Variants in FHAD1 observed in about 807,000 individuals in gnomAD.
FHAD1 encodes the protein forkhead associated phosphopeptide binding domain 1, also known as forkhead-associated domain-containing protein 1.
A neutral mutation model predicts 191.3 loss-of-function variants in FHAD1; 146 were observed. That is an observed-to-expected ratio of 0.76 (90% CI 0.67 to 0.88). The LOEUF (loss-of-function observed/expected upper bound fraction) is 0.88, where lower values mean the gene tolerates loss of function less well. Ranked by LOEUF, FHAD1 falls within the 40% of genes least tolerant of loss-of-function variation. The pLI, the probability that FHAD1 is intolerant of heterozygous loss-of-function variation, is 0.00. For missense variants in FHAD1, 1,635 were observed against 1,785.8 expected (o/e 0.92, Z 1.52); for synonymous variants, 616 against 672.3 (o/e 0.92, Z 1.29).
In FHAD1 at chr1:15,391,308, T is replaced by G. The variant is rs1473025109; in HGVS notation, c.4323+45T>G. ...TTTAGAATTCTCTTTTTTTGTTGTT[T>G]TGTTTTGTTTTGTTTTGTTTTGCTT... On this transcript the variant is annotated intron_variant, in intron 33 of 33. Transcript: ENST00000688493. 4 of 1,157,260 alleles carry G rather than the reference T, an allele frequency of 3.5e-6. No homozygotes were observed. The African/African-American group carries it at 4.8e-5, about 14-fold the overall frequency. The allele number at this position is 1,157,260 out of a possible 1,614,324, so 71.7% of individuals were successfully genotyped here. A position where few individuals can be genotyped will look rare whatever the true frequency, so the allele number is the denominator to read the frequency against.
intron 2 of FHAD1, among the ~76,000 whole-genome samples, chr1:15,260,280 G>T (rs1650397768): frequency 6.6e-6 from 1 of 152,230 alleles, no homozygotes; most frequent in South Asian, 2.1e-4. Context: ...ACTTCTGTGT[G>T]TGTATGGTGG....
At chr1:15,261,862 C>T (rs1651220354) in intron 2 of FHAD1, among the ~76,000 whole-genome samples, 2 of 152,150 alleles carry the variant, frequency 1.3e-5, no homozygotes. Flanking sequence ...TGATTTGATA[C>T]ACACAGGTGC....
chr1:15,293,672 T>C (rs540584011), intron 4 of FHAD1, among the ~76,000 whole-genome samples: 2,077 of 152,200 alleles, frequency 0.014, 13 homozygotes, highest in African/African-American at 0.021. Flanking sequence ...GAGCTGAGAT[T>C]GTGCCACTGC....
At chr1:15,298,060 A>G (rs1667505959) in intron 5 of FHAD1, among the ~76,000 whole-genome samples, 1 of 152,216 alleles carries the variant, frequency 6.6e-6, no homozygotes, top group Non-Finnish European at 1.5e-5. Context: ...GTCATTATTC[A>G]AAAAAGATAC....
chr1:15,290,448 C>T (rs1299076435), intron 4 of FHAD1, among the ~76,000 whole-genome samples: 3 of 152,142 alleles, frequency 2.0e-5, no homozygotes, highest in African/African-American at 4.8e-5. Context: ...CCAGGCCCTT[C>T]GGAGTCCCCA....
chr1:15,353,603 G>A (rs540760987), intron 20 of FHAD1, among the ~76,000 whole-genome samples: 13 of 151,224 alleles, frequency 8.6e-5, no homozygotes, highest in African/African-American at 2.7e-4. Flanking sequence ...TACTCAGAAG[G>A]CTGAGGCAGG....
intron 3 of FHAD1, among the ~76,000 whole-genome samples, chr1:15,275,371 C>CATCT: frequency 1.3e-5 from 2 of 152,354 alleles, no homozygotes; most frequent in South Asian, 4.1e-4. Flanking sequence ...GGCAGCCAGA[C>CATCT]ATCTGCCCCC....
intron 13 of FHAD1, 105 bp downstream of exon 13, chr1:15,328,534 T>C (rs1445384631): frequency 2.0e-5 from 19 of 972,360 alleles, no homozygotes; most frequent in Non-Finnish European, 2.1e-5. Flanking sequence ...GCAGAAATGC[T>C]TGGCTTTTCT....
intron 28 of FHAD1, among the ~76,000 whole-genome samples, chr1:15,380,032 C>T (rs1287624598): frequency 2.0e-5 from 3 of 152,198 alleles, no homozygotes; most frequent in African/African-American, 7.2e-5. Flanking sequence ...CGGAAGTGAG[C>T]GTCCAGTTTC....
Position 15,388,396 on chromosome 1 carries a change from C to T in FHAD1, c.4269+265C>T, listed in dbSNP as rs577070609. ...GAACGGATGACCTAAGAGACAAGCACGCGTCCAGCCCCGTCTGTCCATTAA... is the reference window on the plus strand; with the variant it reads ...GAACGGATGACCTAAGAGACAAGCATGCGTCCAGCCCCGTCTGTCCATTAA... On this transcript the variant is annotated intron_variant, in intron 32 of 33. Transcript: ENST00000688493. 18 of 1,248,940 alleles carry T rather than the reference C, an allele frequency of 1.4e-5. No homozygotes were observed. In the Admixed American group the frequency reaches 2.9e-4, roughly 20 times the overall value. 77.4% of individuals were successfully genotyped at this position (1,248,940 alleles called of 1,614,324 possible). A position where few individuals can be genotyped will look rare whatever the true frequency, so the allele number is the denominator to read the frequency against.
intron 2 of FHAD1, among the ~76,000 whole-genome samples, chr1:15,264,040 A>T (rs2101041430): frequency 6.6e-6 from 1 of 152,284 alleles, no homozygotes; most frequent in South Asian, 2.1e-4. Flanking sequence ...CTATCTTTTT[A>T]ATAACTTTTG....
chr1:15,253,192 AAGAG>A (rs5772632), intron 2 of FHAD1, among the ~76,000 whole-genome samples: 43,283 of 144,542 alleles, frequency 0.3, 7,137 homozygotes, highest in Non-Finnish European at 0.39. Context: ...GTGTCAGAGA[AAGAG>A]AGAGAGAGGA....
intron 27 of FHAD1, 144 bp from the exon 28 acceptor site, chr1:15,375,459 T>C: frequency 1.3e-6 from 1 of 749,336 alleles, no homozygotes; most frequent in Non-Finnish European, 2.1e-6. Flanking sequence ...TTAATCTCTC[T>C]AGGACTGTGT....
Position 15,289,150 on chromosome 1 carries a change from A to G in FHAD1, c.301-249A>G, listed in dbSNP as rs1663580668. The stretch of plus-strand genomic sequence containing the variant: ...CAGGCATAGGCCACAAGGCCCAGCT[A>G]ATTTTTGAATTTTTGGTGAGGCAGG... On this transcript the variant is annotated intron_variant, in intron 3 of 33. Transcript: ENST00000688493. The surrounding 1 kb of genome is among the most constrained non-coding windows in gnomAD (Gnocchi z 4.2). Among the ~76,000 whole-genome samples the G allele has an allele frequency of 6.6e-6, 1 of 152,268 alleles. No homozygotes were observed. Among genetic ancestry groups the G allele is most frequent in the South Asian group, 2.1e-4 (1 of 4,826 alleles).
intron 7 of FHAD1, among the ~76,000 whole-genome samples, chr1:15,309,027 A>G (rs1471207152): frequency 6.6e-6 from 1 of 152,230 alleles, no homozygotes. Context: ...GGACCTCACC[A>G]GGGAACACAC....
At chr1:15,353,925 C>T (rs993501153) in intron 20 of FHAD1, among the ~76,000 whole-genome samples, 1 of 152,034 alleles carries the variant, frequency 6.6e-6, no homozygotes, top group Admixed American at 6.6e-5. Context: ...GTCTTGGGTA[C>T]CTCATAAGCA....
intron 2 of FHAD1, among the ~76,000 whole-genome samples, chr1:15,255,447 CT>C (rs1320846834): frequency 1.3e-5 from 2 of 151,654 alleles, no homozygotes; most frequent in Non-Finnish European, 2.9e-5. Flanking sequence ...GCCCTCCAGA[CT>C]TTTTTTTTCT....
Position 15,381,887 on chromosome 1 carries a change from C to A in FHAD1, c.4023-141C>A. 1.1e-6 allele frequency: 1 copy of A among 878,302 alleles called. No homozygotes were observed. Among genetic ancestry groups the A allele is most frequent in the Non-Finnish European group, 1.7e-6 (1 of 573,508 alleles). 54.4% of individuals were successfully genotyped at this position (878,302 alleles called of 1,614,324 possible). A position where few individuals can be genotyped will look rare whatever the true frequency, so the allele number is the denominator to read the frequency against. On this transcript the variant is annotated intron_variant, in intron 30 of 33. Coordinates refer to ENST00000688493, the MANE Select transcript of FHAD1 (RefSeq NM_001391957.1). The surrounding 1 kb of genome is among the most constrained non-coding windows in gnomAD (Gnocchi z 4.6). ...TTCTGCTCTCTGTACCCCAAATCTT[C>A]GTCATGCTCTCCTGCTTGTGATGAC...
chr1:15,282,838 G>A (rs1178394260), intron 3 of FHAD1, among the ~76,000 whole-genome samples: 1 of 152,150 alleles, frequency 6.6e-6, no homozygotes, highest in Non-Finnish European at 1.5e-5. Flanking sequence ...TGATTTCTGT[G>A]GTGTAAATAC....
Sources: gnomAD v4.1 joint callset for allele counts (sites outside exome capture counted in the v4.1 genomes callset) on GRCh38, gnomAD v4.1.1 for gene constraint, Gnocchi (gnomAD v3.1) non-coding constraint, MANE v1.5 for transcripts, NCBI Gene and HGNC (gene_info 2026-07-23, HGNC 2026-07-21) for gene names.